Variants in KCTD8 observed in about 807,000 individuals in gnomAD.
KCTD8 encodes the protein BTB/POZ domain-containing protein KCTD8.
A neutral mutation model predicts 31.5 loss-of-function variants in KCTD8; 27 were observed. The ratio of observed to expected loss-of-function variants is 0.86; its 90% CI spans 0.63 to 1.18. The LOEUF (loss-of-function observed/expected upper bound fraction) is 1.18. Among genes scored for constraint, KCTD8 ranks in the 50% most tolerant of loss-of-function variants. The pLI is 0.00. For missense variants in KCTD8, 658 were observed against 647.7 expected, an observed-to-expected ratio of 1.02 and a Z score of -0.17; for synonymous variants, 290 against 280.0, an observed-to-expected ratio of 1.04 and a Z score of -0.36.
intron 1 of KCTD8, among the ~76,000 whole-genome samples, chr4:44,199,768 T>C: frequency 6.6e-6 from 1 of 151,714 alleles, no homozygotes; most frequent in Non-Finnish European, 1.5e-5. Context: ...ACAAACCAAC[T>C]GTAAATCTAG....
chr4:44,280,989 AGAT>A (rs1049954426), intron 1 of KCTD8, among the ~76,000 whole-genome samples: 22 of 152,090 alleles, frequency 1.4e-4, no homozygotes, highest in African/African-American at 5.3e-4. Flanking sequence ...ATTTTTATAA[AGAT>A]GATAAGAGTT....
intron 1 of KCTD8, among the ~76,000 whole-genome samples, chr4:44,394,893 C>T (rs1482345746): frequency 6.6e-6 from 1 of 152,090 alleles, no homozygotes; most frequent in Non-Finnish European, 1.5e-5. Flanking sequence ...AGGTCTTGTT[C>T]CAGTGACTCG....
intron 1 of KCTD8, among the ~76,000 whole-genome samples, chr4:44,385,406 C>T (rs775913928): frequency 1.5e-4 from 22 of 151,712 alleles, no homozygotes; most frequent in Middle Eastern, 3.4e-3. Flanking sequence ...CTTACTTATA[C>T]GGTAAAATGA....
At chr4:44,421,433 G>A (rs953279461) in intron 1 of KCTD8, among the ~76,000 whole-genome samples, 4 of 151,952 alleles carry the variant, frequency 2.6e-5, no homozygotes, top group Admixed American at 6.6e-5. Context: ...AAATTTCCAG[G>A]TATACCAACA....
chr4:44,315,678 CT>C (rs1241659766), intron 1 of KCTD8, among the ~76,000 whole-genome samples: 1 of 143,192 alleles, frequency 7.0e-6, no homozygotes, highest in Non-Finnish European at 1.5e-5. Flanking sequence ...TATTCTATGC[CT>C]GAAAAAGTGT....
intron 1 of KCTD8, among the ~76,000 whole-genome samples, chr4:44,217,552 T>C (rs1714683608): frequency 6.6e-6 from 1 of 152,274 alleles, no homozygotes; most frequent in African/African-American, 2.4e-5. Flanking sequence ...TCCGGGTGTG[T>C]CTGTGAGGGT....
chr4:44,196,895 A>T (rs1713959578), intron 1 of KCTD8, among the ~76,000 whole-genome samples: 1 of 152,118 alleles, frequency 6.6e-6, no homozygotes. Context: ...TGCTGCCATA[A>T]CACCAACAGA....
intron 1 of KCTD8, among the ~76,000 whole-genome samples, chr4:44,351,878 A>G (rs1471361135): frequency 6.6e-6 from 1 of 152,116 alleles, no homozygotes; most frequent in Non-Finnish European, 1.5e-5. Flanking sequence ...TTTATTTCCA[A>G]CTTATTCAGT....
chr4:44,347,958 T>G (rs1339939888), intron 1 of KCTD8, among the ~76,000 whole-genome samples: 2 of 152,090 alleles, frequency 1.3e-5, no homozygotes, highest in African/African-American at 4.8e-5. Context: ...CAAGTTACCT[T>G]CATGAGAAAT....
chr4:44,316,359 TG>T (rs1342774907), intron 1 of KCTD8, among the ~76,000 whole-genome samples: 1 of 152,244 alleles, frequency 6.6e-6, no homozygotes, highest in East Asian at 1.9e-4. Flanking sequence ...TCTTTTGTTT[TG>T]TTTTTTTTGT....
intron 1 of KCTD8, among the ~76,000 whole-genome samples, chr4:44,176,618 C>T (rs1713223844): frequency 6.6e-6 from 1 of 152,054 alleles, no homozygotes; most frequent in South Asian, 2.1e-4. Context: ...TTAGAAGAAA[C>T]ATAAGTCAAT....
At chr4:44,202,361 A>C (rs1714176151) in intron 1 of KCTD8, among the ~76,000 whole-genome samples, 1 of 152,214 alleles carries the variant, frequency 6.6e-6, no homozygotes, top group African/African-American at 2.4e-5. Context: ...ACAATAGCAA[A>C]GACATGGAAT....
intron 1 of KCTD8, among the ~76,000 whole-genome samples, chr4:44,278,310 A>G (rs556287253): frequency 3.3e-5 from 5 of 152,116 alleles, no homozygotes; most frequent in Non-Finnish European, 7.4e-5. Flanking sequence ...TATGTCCCCA[A>G]TAGATGTCAG....
At chr4:44,401,983 G>A (rs779527698) in intron 1 of KCTD8, among the ~76,000 whole-genome samples, 96 of 152,148 alleles carry the variant, frequency 6.3e-4, no homozygotes, top group Non-Finnish European at 3.1e-4. Context: ...TGAAGTATAA[G>A]TTAATCCAAT....
At chr4:44,390,524 C>G (rs1317735381) in intron 1 of KCTD8, among the ~76,000 whole-genome samples, 1 of 151,866 alleles carries the variant, frequency 6.6e-6, no homozygotes, top group Admixed American at 6.6e-5. Flanking sequence ...ATACCAGTAC[C>G]AGGCTGTTTT....
intron 1 of KCTD8, among the ~76,000 whole-genome samples, chr4:44,218,019 T>C (rs1186828389): frequency 1.3e-5 from 2 of 152,098 alleles, no homozygotes; most frequent in Non-Finnish European, 2.9e-5. Flanking sequence ...ATGTATATCC[T>C]ATTAGTTCTG....
At chr4:44,308,991 C>A (rs1356036931) in intron 1 of KCTD8, among the ~76,000 whole-genome samples, 1 of 152,050 alleles carries the variant, frequency 6.6e-6, no homozygotes, top group African/African-American at 2.4e-5. Flanking sequence ...ATAGATTAGA[C>A]AAATAACATT....
intron 1 of KCTD8, among the ~76,000 whole-genome samples, chr4:44,432,921 A>G (rs1020723330): frequency 9.9e-5 from 15 of 151,670 alleles, no homozygotes; most frequent in African/African-American, 3.4e-4. Context: ...TGTTTCGCCC[A>G]TAGCTTCCAT....
At chr4:44,388,898 A>C (rs1720295104) in intron 1 of KCTD8, among the ~76,000 whole-genome samples, 1 of 149,628 alleles carries the variant, frequency 6.7e-6, no homozygotes, top group Non-Finnish European at 1.5e-5. Context: ...CCCACCAAAA[A>C]AAGATAATGT....
Sources: gnomAD v4.1 joint callset for allele counts (sites outside exome capture counted in the v4.1 genomes callset) on GRCh38, gnomAD v4.1.1 for gene constraint, MANE v1.5 for transcripts, NCBI Gene and HGNC (gene_info 2026-07-23, HGNC 2026-07-21) for gene names.